Variants in CDYL observed in about 807,000 individuals in gnomAD.
CDYL encodes the protein chromodomain Y-like protein.
CDYL carries 8 observed loss-of-function variants against 47.3 expected under a neutral mutation model. That is an observed-to-expected ratio of 0.17 (90% CI 0.10 to 0.31). The LOEUF (loss-of-function observed/expected upper bound fraction) is 0.31, where lower values mean the gene tolerates loss of function less well. Among genes scored for constraint, CDYL ranks in the 10% least tolerant of loss-of-function variants. CDYL has a pLI of 1.00. For missense variants in CDYL, 471 were observed against 701.4 expected (o/e 0.67, Z 3.71); for synonymous variants, 266 against 265.0 (o/e 1.00, Z -0.04).
chr6:4,811,118 G>A (rs993941330), intron 1 of CDYL, among the ~76,000 whole-genome samples: 6 of 152,170 alleles, frequency 3.9e-5, no homozygotes, highest in Admixed American at 6.5e-5. Flanking sequence ...GATAGTTGGC[G>A]TTATAGAGGG....
intron 1 of CDYL, among the ~76,000 whole-genome samples, chr6:4,821,400 C>G (rs1759833310): frequency 6.6e-6 from 1 of 151,382 alleles, no homozygotes; most frequent in African/African-American, 2.4e-5. Context: ...GCCTCAGCCA[C>G]CCCACGCCCA....
chr6:4,739,512 C>T (rs1757759265), intron 3 of CDYL, among the ~76,000 whole-genome samples: 1 of 136,904 alleles, frequency 7.3e-6, no homozygotes, highest in African/African-American at 2.7e-5. Context: ...AAGAGTAAAA[C>T]TCTGACTCAA....
intron 1 of CDYL, among the ~76,000 whole-genome samples, chr6:4,844,366 TTA>T (rs550560787): frequency 4.6e-5 from 7 of 152,182 alleles, no homozygotes; most frequent in African/African-American, 1.7e-4. Flanking sequence ...TCCCGGGAGA[TTA>T]TGTCCTTTGT....
rs144454550 is a variant in CDYL at position 4,931,985 on chromosome 6, A to G, written c.692-3530A>G. On this transcript the variant is annotated intron_variant, in intron 2 of 6. Coordinates refer to ENST00000397588, the MANE Select transcript of CDYL (RefSeq NM_004824.4). ...AAAGGCTGCATGGGCTCCATGGCCT[A>G]GAAATGTTGCTTCGGTGGAAGGAAG... 2.9e-3 allele frequency among the ~76,000 whole-genome samples: 439 copies of G among 152,354 alleles called. 2 individuals are homozygous for G. The highest frequency in any genetic ancestry group is 7.9e-3 in the African/African-American group (328 of 41,586).
Position 4,893,270 on chromosome 6 carries a change from G to A in CDYL, c.691+891G>A, listed in dbSNP as rs556159911. Among the ~76,000 whole-genome samples the A allele has an allele frequency of 9.2e-5, 14 of 152,282 alleles. No individual in the cohort carries two copies. In the East Asian group the frequency reaches 1.2e-3, roughly 13 times the overall value. ...GTGCCCTGTGTGTCTGCGACCTGGC[G>A]CTCCGCTGCCCTCTGGCTCGCTCTC... On this transcript the variant is annotated intron_variant, in intron 2 of 6. Transcript: ENST00000397588.
At chr6:4,878,396 G>T (rs1272511027) in intron 1 of CDYL, among the ~76,000 whole-genome samples, 2 of 151,668 alleles carry the variant, frequency 1.3e-5, no homozygotes, top group African/African-American at 2.4e-5. Flanking sequence ...AGAAATTTGT[G>T]TGTGTGTAAC....
intron 1 of CDYL, chr6:4,715,670 T>C: frequency 1.4e-6 from 2 of 1,428,172 alleles, no homozygotes; most frequent in Non-Finnish European, 1.9e-6. Context: ...TGAAAGTCAT[T>C]AAATGCCATG....
intron 2 of CDYL, among the ~76,000 whole-genome samples, chr6:4,922,982 C>T (rs1382903504): frequency 6.6e-6 from 1 of 152,102 alleles, no homozygotes; most frequent in Non-Finnish European, 1.5e-5. Context: ...CACTTATGTA[C>T]ATATTACAAT....
rs58457972 is a variant in CDYL, at chr6:4,925,409, CTT to C, written c.692-10087_692-10086del. 8.3e-3 allele frequency among the ~76,000 whole-genome samples: 903 copies of C among 109,258 alleles called. 9 individuals carry two copies. The highest frequency in any genetic ancestry group is 0.03 in the African/African-American group (852 of 28,436). 71.7% of individuals were successfully genotyped at this position (109,258 alleles called of 152,430 possible). On this transcript the variant is annotated intron_variant, in intron 2 of 6. Transcript: ENST00000397588. Reference sequence around the variant, plus strand: ...CTCATTACAGGAGCTATTCTTTTTTCTTTTTTTTTTTTTTTTTTTTGAGACAG... The same window carrying C: ...CTCATTACAGGAGCTATTCTTTTTTCTTTTTTTTTTTTTTTTTTGAGACAG...
chr6:4,861,338 G>A (rs1461257558), intron 1 of CDYL, among the ~76,000 whole-genome samples: 1 of 152,218 alleles, frequency 6.6e-6, no homozygotes, highest in African/African-American at 2.4e-5. Context: ...GGCTGGGGAG[G>A]AGGTGGCCCC....
intron 1 of CDYL, among the ~76,000 whole-genome samples, chr6:4,780,230 T>C (rs2127429867): frequency 6.6e-6 from 1 of 151,846 alleles, no homozygotes; most frequent in Non-Finnish European, 1.5e-5. Context: ...CTTTCCTTTC[T>C]TTCTTTCTCT....
At chr6:4,879,435 A>G (rs1262289916) in intron 1 of CDYL, among the ~76,000 whole-genome samples, 1 of 152,132 alleles carries the variant, frequency 6.6e-6, no homozygotes, top group Admixed American at 6.6e-5. Context: ...ATGTCTTGTA[A>G]TGCTTTCTTG....
intron 1 of CDYL, among the ~76,000 whole-genome samples, chr6:4,847,036 C>T (rs1760680995): frequency 6.6e-6 from 1 of 152,202 alleles, no homozygotes; most frequent in Non-Finnish European, 1.5e-5. Context: ...TTTACACAGC[C>T]CTGCTGTGTG....
intron 1 of CDYL, among the ~76,000 whole-genome samples, chr6:4,864,403 G>T (rs535253766): frequency 6.6e-6 from 1 of 152,296 alleles, no homozygotes; most frequent in South Asian, 2.1e-4. Context: ...ACTAAAATTT[G>T]TAGCAACAAG....
In CDYL at chr6:4,950,556, G is replaced by A. The variant is rs115716634; in HGVS notation, c.1333-1710G>A. On this transcript the variant is annotated intron_variant, in intron 5 of 6. Coordinates refer to ENST00000397588, the MANE Select transcript of CDYL (RefSeq NM_004824.4). ...GAACCACTCACAGTAAGGTCGGGTC[G>A]CGTTTCTAAATCCACTGTTTATGGA... Among the ~76,000 whole-genome samples, 487 of 152,280 alleles carry A rather than the reference G, an allele frequency of 3.2e-3. 3 individuals are homozygous for A. The highest frequency in any genetic ancestry group is 0.011 in the African/African-American group (456 of 41,568).
intron 1 of CDYL, among the ~76,000 whole-genome samples, chr6:4,809,859 G>C (rs1402674668): frequency 6.9e-5 from 5 of 72,494 alleles, no homozygotes; most frequent in East Asian, 8.5e-4. Flanking sequence ...TATTATATTA[G>C]TCCTTGGCGA....
intron 3 of CDYL, among the ~76,000 whole-genome samples, chr6:4,749,389 AGATG>A (rs1215921831): frequency 4.0e-5 from 6 of 150,286 alleles, no homozygotes; most frequent in African/African-American, 9.8e-5. Flanking sequence ...TGTGATGGAT[AGATG>A]GATGGATGAA....
chr6:4,863,313 C>T (rs1761226408), intron 1 of CDYL, among the ~76,000 whole-genome samples: 1 of 152,144 alleles, frequency 6.6e-6, no homozygotes. Context: ...ATATATTATA[C>T]CATTGTAACA....
chr6:4,902,404 CAAA>C (rs35164020), intron 2 of CDYL, among the ~76,000 whole-genome samples: 7 of 95,892 alleles, frequency 7.3e-5, no homozygotes, highest in Admixed American at 1.2e-4. Flanking sequence ...AGCTCCATCT[CAAA>C]AAAAAAAAAA....
Sources: allele counts gnomAD v4.1 joint callset (sites outside exome capture counted in the v4.1 genomes callset), GRCh38; gene constraint gnomAD v4.1.1; transcripts MANE v1.5; gene names NCBI Gene and HGNC (gene_info 2026-07-23, HGNC 2026-07-21).